Variants in OPCML observed in about 807,000 individuals in gnomAD.
OPCML encodes opioid-binding protein/cell adhesion molecule.
A neutral mutation model predicts 37.8 loss-of-function variants in OPCML; 13 were observed. The ratio of observed to expected loss-of-function variants is 0.34; its 90% CI spans 0.22 to 0.55. OPCML has a LOEUF of 0.55. Among genes scored for constraint, OPCML ranks in the 20% least tolerant of loss-of-function variants. The probability of loss-of-function intolerance (pLI) is 0.91; values close to 1 mark genes in which losing one functional copy is unlikely to be tolerated. For missense variants in OPCML, 341 were observed against 435.6 expected (o/e 0.78, Z 1.93); for synonymous variants, 176 against 168.8 (o/e 1.04, Z -0.33).
At chr11:132,762,857 G>C (rs1435332902) in intron 2 of OPCML, among the ~76,000 whole-genome samples, 1 of 152,056 alleles carries the variant, frequency 6.6e-6, no homozygotes, top group Non-Finnish European at 1.5e-5. Context: ...GTGCCACTGA[G>C]GTACAAAAAA....
intron 1 of OPCML, among the ~76,000 whole-genome samples, chr11:133,017,046 G>A (rs184568465): frequency 2.0e-5 from 3 of 152,260 alleles, no homozygotes; most frequent in Admixed American, 2.0e-4. Context: ...TCACAGTTCT[G>A]GAGGTTGGAA....
At chr11:132,662,432 G>T (rs1364302245) in intron 2 of OPCML, among the ~76,000 whole-genome samples, 2 of 139,518 alleles carry the variant, frequency 1.4e-5, no homozygotes, top group Non-Finnish European at 3.1e-5. Flanking sequence ...AAAAAAAAGT[G>T]CCAAGATTCA....
chr11:133,481,020 C>G (rs1947360395), intron 1 of OPCML, among the ~76,000 whole-genome samples: 1 of 152,180 alleles, frequency 6.6e-6, no homozygotes. Context: ...CACTTGGGGG[C>G]TCTGGCCAGG....
At chr11:133,243,947 TA>T (rs1423055406) in intron 1 of OPCML, among the ~76,000 whole-genome samples, 2 of 152,156 alleles carry the variant, frequency 1.3e-5, no homozygotes, top group African/African-American at 4.8e-5. Context: ...CACCAAGTCC[TA>T]AAGGCATCGA....
chr11:133,044,085 C>G (rs977657393), intron 1 of OPCML, among the ~76,000 whole-genome samples: 2 of 152,120 alleles, frequency 1.3e-5, no homozygotes, highest in Non-Finnish European at 2.9e-5. Context: ...TGGAGAGGAT[C>G]AGGAAAGCCT....
At chr11:132,596,304 C>T (rs966089680) in intron 3 of OPCML, among the ~76,000 whole-genome samples, 1 of 152,182 alleles carries the variant, frequency 6.6e-6, no homozygotes, top group Non-Finnish European at 1.5e-5. Context: ...TTTGAACAGA[C>T]ATATGTCTGC....
chr11:133,321,131 G>A (rs1011166111), intron 1 of OPCML, among the ~76,000 whole-genome samples: 2 of 151,978 alleles, frequency 1.3e-5, no homozygotes, highest in South Asian at 2.1e-4. Context: ...AAAACATGCC[G>A]TATTTGGTAG....
intron 1 of OPCML, among the ~76,000 whole-genome samples, chr11:133,255,822 C>G (rs562125677): frequency 1.3e-5 from 2 of 152,040 alleles, no homozygotes; most frequent in Non-Finnish European, 2.9e-5. Context: ...AGAAAGGATA[C>G]TTTCAATGTA....
intron 2 of OPCML, among the ~76,000 whole-genome samples, chr11:132,757,835 C>A (rs1026775149): frequency 1.3e-5 from 2 of 152,168 alleles, no homozygotes; most frequent in African/African-American, 4.8e-5. Context: ...ACTTTTGTTG[C>A]CACTGCTTTT....
Position 132,657,081 on chromosome 11 carries a change from A to T in OPCML, c.379+6T>A. ...AATGGCAACCCCAGATCCAGCTGGG[A>T]CTTACCTTGCACTATTAGGTGAACC... On this transcript the variant is annotated splice_donor_region_variant and intron_variant, in intron 3 of 7. Coordinates refer to ENST00000524381, the MANE Select transcript of OPCML (RefSeq NM_001012393.5). 7.4e-6 allele frequency: 12 copies of T among 1,613,348 alleles called. No individual in the cohort carries two copies. Among genetic ancestry groups the T allele is most frequent in the Non-Finnish European group, 1.0e-5 (12 of 1,179,384 alleles).
At chr11:132,563,020 C>T (rs1156456957) in intron 3 of OPCML, among the ~76,000 whole-genome samples, 3 of 152,162 alleles carry the variant, frequency 2.0e-5, no homozygotes, top group African/African-American at 4.8e-5. Flanking sequence ...CACTTTGCTG[C>T]TTTTCAGTAG....
chr11:132,881,186 A>G (rs768779922), intron 2 of OPCML, among the ~76,000 whole-genome samples: 4 of 152,220 alleles, frequency 2.6e-5, no homozygotes, highest in Non-Finnish European at 5.9e-5. Context: ...AGAGGATGAG[A>G]TCTCCAACTA....
chr11:132,839,665 C>T (rs528559672), intron 2 of OPCML, among the ~76,000 whole-genome samples: 1 of 152,254 alleles, frequency 6.6e-6, no homozygotes, highest in Admixed American at 6.5e-5. Context: ...TGAAATCCTT[C>T]CTCCACTGAA....
intron 1 of OPCML, among the ~76,000 whole-genome samples, chr11:133,040,584 C>T (rs1015497980): frequency 1.1e-4 from 16 of 152,240 alleles, no homozygotes; most frequent in African/African-American, 3.6e-4. Flanking sequence ...GAGGACTTGG[C>T]TTGGAAGGAA....
intron 1 of OPCML, among the ~76,000 whole-genome samples, chr11:133,371,757 A>C (rs1293218232): frequency 6.6e-6 from 1 of 152,194 alleles, no homozygotes; most frequent in Non-Finnish European, 1.5e-5. Context: ...TCTTTATGGC[A>C]GTGTGAAATA....
chr11:133,061,470 T>A (rs1948339887), intron 1 of OPCML, among the ~76,000 whole-genome samples: 1 of 152,166 alleles, frequency 6.6e-6, no homozygotes, highest in Non-Finnish European at 1.5e-5. Context: ...GGAAAGGAAA[T>A]ATCCTTGTGG....
At chr11:133,129,758 A>G (rs1949575392) in intron 1 of OPCML, among the ~76,000 whole-genome samples, 1 of 152,046 alleles carries the variant, frequency 6.6e-6, no homozygotes, top group Admixed American at 6.6e-5. Flanking sequence ...TAATAATAAA[A>G]AGCTGTGTGT....
chr11:133,321,462 G>C (rs1260115655), intron 1 of OPCML, among the ~76,000 whole-genome samples: 4 of 152,152 alleles, frequency 2.6e-5, no homozygotes, highest in Admixed American at 2.6e-4. Flanking sequence ...CAGTGTACAG[G>C]AGTCTGGGGG....
chr11:132,806,456 G>A (rs955294675), intron 2 of OPCML, among the ~76,000 whole-genome samples: 1 of 152,022 alleles, frequency 6.6e-6, no homozygotes, highest in South Asian at 2.1e-4. Flanking sequence ...AGTTGATGTG[G>A]GTTTATTGAT....
Sources: allele counts gnomAD v4.1 joint callset (sites outside exome capture counted in the v4.1 genomes callset), GRCh38; gene constraint gnomAD v4.1.1; transcripts MANE v1.5; gene names NCBI Gene and HGNC (gene_info 2026-07-23, HGNC 2026-07-21).